The following NOL4 variants were observed in gnomAD, a reference collection of about 807,000 sequenced individuals.
The protein encoded by NOL4 is nucleolar protein 4.
Under a neutral mutation model 75.9 loss-of-function variants are expected in NOL4, and 17 were observed. That is an observed-to-expected ratio of 0.22 (90% CI 0.15 to 0.34). NOL4 has a LOEUF of 0.34. Ranked by LOEUF, NOL4 falls within the 10% of genes least tolerant of loss-of-function variation. The pLI is 1.00. For synonymous variants in NOL4, 292 were observed against 289.9 expected (o/e 1.01, Z -0.07); for missense variants, 614 against 793.5 (o/e 0.77, Z 2.72).
intron 6 of NOL4, among the ~76,000 whole-genome samples, chr18:34,010,262 T>C (rs1230617070): frequency 6.6e-6 from 1 of 151,930 alleles, no homozygotes; most frequent in Non-Finnish European, 1.5e-5. Context: ...GCAAAATTTG[T>C]CTTTATGTGC....
intron 6 of NOL4, among the ~76,000 whole-genome samples, chr18:34,005,221 A>G (rs1038858931): frequency 3.3e-5 from 5 of 152,072 alleles, no homozygotes; most frequent in African/African-American, 1.2e-4. Context: ...CTCCAGGGAC[A>G]TGCAATTCAA....
intron 6 of NOL4, among the ~76,000 whole-genome samples, chr18:33,981,863 TTATC>T (rs1358577837): frequency 6.6e-6 from 1 of 152,092 alleles, no homozygotes; most frequent in Non-Finnish European, 1.5e-5. Flanking sequence ...TAACCATAGT[TTATC>T]TATAAATGAA....
intron 6 of NOL4, among the ~76,000 whole-genome samples, chr18:34,000,702 A>G (rs904114250): frequency 2.0e-5 from 3 of 152,128 alleles, no homozygotes; most frequent in African/African-American, 7.2e-5. Context: ...AACTCTGGAC[A>G]GTGTAAGCAC....
At position 34,223,145 on chromosome 18, in the gene NOL4, C is replaced by G. The variant is rs757762965; in HGVS notation, c.109G>C (p.Val37Leu). The G allele has an allele frequency of 1.5e-5, 25 of 1,614,062 alleles. No homozygotes were observed. The highest frequency in any genetic ancestry group is 1.2e-4 in the Admixed American group (7 of 60,006). The change falls in exon 1 of 11, where the codon GTC becomes CTC. Residue 37 changes from valine to leucine, a missense_variant. Val to Leu is a conservative substitution (Grantham distance 32, BLOSUM62 1). Transcript: ENST00000261592. ...TVTRKKYERI[V>L]QLLNGSESSS... Reference sequence around the variant, plus strand: ...GACTCGGAGCCATTGAGGAGCTGGACGATCCGTTCGTATTTTTTACGGGTC... The same window carrying G: ...GACTCGGAGCCATTGAGGAGCTGGAGGATCCGTTCGTATTTTTTACGGGTC...
chr18:34,079,227 C>T (rs1485501623), intron 5 of NOL4, among the ~76,000 whole-genome samples: 2 of 152,200 alleles, frequency 1.3e-5, no homozygotes, highest in African/African-American at 4.8e-5. Context: ...GTATTCTCCC[C>T]TAATTATCCC....
intron 1 of NOL4, among the ~76,000 whole-genome samples, chr18:34,139,802 T>C: frequency 6.6e-6 from 1 of 152,228 alleles, no homozygotes; most frequent in Non-Finnish European, 1.5e-5. Flanking sequence ...TCCTGCTTTC[T>C]CTTGTGGGCA....
rs145453909 is a variant in NOL4 at position 34,184,880 on chromosome 18, A to C, written c.264+38110T>G. On this transcript the variant is annotated intron_variant, in intron 1 of 10. Transcript: ENST00000261592. ...GTATAAAGTAAGTGGTGAAGAAGAC[A>C]TACAAGTAACTAATGGGTGAAACTG... Among the ~76,000 whole-genome samples, 1,200 of 152,276 alleles carry C rather than the reference A, an allele frequency of 7.9e-3. 12 individuals are homozygous for C. Among genetic ancestry groups the C allele is most frequent in the Middle Eastern group, 0.031 (9 of 294 alleles).
At chr18:34,063,709 C>A (rs2077154809) in intron 5 of NOL4, among the ~76,000 whole-genome samples, 1 of 151,850 alleles carries the variant, frequency 6.6e-6, no homozygotes, top group Non-Finnish European at 1.5e-5. Context: ...TCTGTACATT[C>A]TCTTTATAAA....
intron 6 of NOL4, among the ~76,000 whole-genome samples, chr18:33,993,821 AT>A (rs1197046229): frequency 6.6e-6 from 1 of 151,890 alleles, no homozygotes; most frequent in African/African-American, 2.4e-5. Flanking sequence ...TAATAAAAAA[AT>A]CTACTAGAAG....
At chr18:34,018,748 A>T (rs2144417504) in intron 6 of NOL4, among the ~76,000 whole-genome samples, 1 of 152,246 alleles carries the variant, frequency 6.6e-6, no homozygotes, top group African/African-American at 2.4e-5. Flanking sequence ...ATATGTCTGA[A>T]ATATGTTTTT....
intron 5 of NOL4, among the ~76,000 whole-genome samples, chr18:34,055,416 T>C (rs900129778): frequency 2.4e-4 from 37 of 152,106 alleles, no homozygotes; most frequent in African/African-American, 8.4e-4. Flanking sequence ...TCTAAACACT[T>C]TGAATAATAT....
intron 2 of NOL4, among the ~76,000 whole-genome samples, chr18:34,111,709 C>T (rs1441319959): frequency 6.6e-6 from 1 of 151,996 alleles, no homozygotes; most frequent in African/African-American, 2.4e-5. Flanking sequence ...AGAAAACATA[C>T]AAATGGCTAA....
At chr18:34,137,290 A>C (rs1253006157) in intron 1 of NOL4, among the ~76,000 whole-genome samples, 1 of 152,172 alleles carries the variant, frequency 6.6e-6, no homozygotes, top group Non-Finnish European at 1.5e-5. Context: ...TTATAAATTG[A>C]ACTACAAAAA....
intron 9 of NOL4, among the ~76,000 whole-genome samples, chr18:33,899,187 C>T (rs1186217932): frequency 6.6e-6 from 1 of 151,944 alleles, no homozygotes; most frequent in Non-Finnish European, 1.5e-5. Flanking sequence ...GTGATCTGAC[C>T]AAAAATGGAG....
chr18:33,906,323 T>A (rs934483103), intron 9 of NOL4, among the ~76,000 whole-genome samples: 1 of 152,124 alleles, frequency 6.6e-6, no homozygotes, highest in Admixed American at 6.5e-5. Flanking sequence ...CTTTCTTTTT[T>A]CCCCTTCCCT....
At chr18:34,069,320 A>T (rs888893217) in intron 5 of NOL4, among the ~76,000 whole-genome samples, 1 of 152,222 alleles carries the variant, frequency 6.6e-6, no homozygotes, top group East Asian at 1.9e-4. Context: ...TTTAAAATCA[A>T]GTGAAAAGGA....
At chr18:34,020,862 G>T (rs1333847325) in intron 5 of NOL4, among the ~76,000 whole-genome samples, 5 of 152,026 alleles carry the variant, frequency 3.3e-5, no homozygotes, top group African/African-American at 1.2e-4. Flanking sequence ...AATTATGATG[G>T]AAAAGGTATT....
intron 5 of NOL4, among the ~76,000 whole-genome samples, chr18:34,066,310 G>A (rs2145193527): frequency 6.6e-6 from 1 of 152,080 alleles, no homozygotes; most frequent in Admixed American, 6.5e-5. Flanking sequence ...CTCAAGAGAT[G>A]CTATCATTTT....
rs142701341 is a variant in NOL4 at position 34,132,880 on chromosome 18, A to C, written c.265-2860T>G. ...ACAATTAACTTCGCAAAAGAAACAA[A>C]GGAGGTCAGAATGCAATGGGATGAA... On this transcript the variant is annotated intron_variant, in intron 1 of 10. Transcript: ENST00000261592. Among the ~76,000 whole-genome samples the C allele has an allele frequency of 5.6e-3, 849 of 152,314 alleles. 11 individuals are homozygous for C. Among genetic ancestry groups the C allele is most frequent in the African/African-American group, 0.02 (814 of 41,564 alleles).
Sources: gnomAD v4.1 joint callset for allele counts (sites outside exome capture counted in the v4.1 genomes callset) on GRCh38, gnomAD v4.1.1 for gene constraint, MANE v1.5 for transcripts, NCBI Gene and HGNC (gene_info 2026-07-23, HGNC 2026-07-21) for gene names.